Variants in SOBP observed in about 807,000 individuals in gnomAD.
SOBP encodes sine oculis-binding protein homolog.
In SOBP, 4 loss-of-function variants were observed where a neutral mutation model predicts 53.6. That is an observed-to-expected ratio of 0.07 (90% CI 0.04 to 0.17). The LOEUF is 0.17. Among genes scored for constraint, SOBP ranks in the 10% least tolerant of loss-of-function variants. The pLI is 1.00. For missense variants in SOBP, 1,088 were observed against 1,204.7 expected (o/e 0.90, Z 1.43); for synonymous variants, 584 against 522.6 (o/e 1.12, Z -1.60).
chr6:107,601,643 CTG>C (rs757239175), intron 5 of SOBP, among the ~76,000 whole-genome samples: 2 of 152,186 alleles, frequency 1.3e-5, no homozygotes, highest in African/African-American at 2.4e-5. Flanking sequence ...CTTCCTCTCT[CTG>C]TGTGTGATTT....
intron 5 of SOBP, among the ~76,000 whole-genome samples, chr6:107,622,880 A>G (rs1032193760): frequency 6.6e-6 from 1 of 152,236 alleles, no homozygotes; most frequent in African/African-American, 2.4e-5. Flanking sequence ...ATATGGGATA[A>G]TTTATCTTGT....
In SOBP at chr6:107,656,287, AAAAGAAAGAAAGAAAGAAAGAAAG is replaced by A. The variant is rs1184787226; in HGVS notation, c.*4-1886_*4-1863del. 3.7e-3 allele frequency among the ~76,000 whole-genome samples: 454 copies of A among 124,338 alleles called. 3 individuals are homozygous for A. Among genetic ancestry groups the A allele is most frequent in the African/African-American group, 0.014 (444 of 31,560 alleles). 81.6% of individuals were successfully genotyped at this position (124,338 alleles called of 152,430 possible). A position where few individuals can be genotyped will look rare whatever the true frequency, so the allele number is the denominator to read the frequency against. The stretch of plus-strand genomic sequence containing the variant: ...TGTCACTTATTCTTGAGAAAGAAAG[AAAAGAAAGAAAGAAAGAAAGAAAG>A]AAAGAAAGAAAGAAAGAAAGAAAGA... On this transcript the variant is annotated intron_variant, in intron 6 of 6. Transcript: ENST00000317357.
At chr6:107,629,696 G>A (rs566653351) in intron 5 of SOBP, among the ~76,000 whole-genome samples, 4 of 152,336 alleles carry the variant, frequency 2.6e-5, no homozygotes, top group Non-Finnish European at 4.4e-5. Context: ...GCAGTTGAGC[G>A]GTGTAGGTTG....
Position 107,633,730 on chromosome 6 carries a change from A to C in SOBP, c.886A>C (p.Thr296Pro), listed in dbSNP as rs367944046. ...AGAAGGCACCGGGGTGCAGCTGCTC[A>C]CTCCAGACTCTTGGAATATCCCGCT... ...KAEGTGVQLLTPDSWNIPLTD... is the reference protein window; with the variant it reads ...KAEGTGVQLLPPDSWNIPLTD... The change falls in exon 6 of 7, where the codon ACT becomes CCT. Residue 296 changes from threonine to proline, a missense_variant. Transcript: ENST00000317357. 1 of 1,614,118 alleles carries C rather than the reference A, an allele frequency of 6.2e-7. No homozygotes were observed. Among genetic ancestry groups the C allele is most frequent in the Non-Finnish European group, 8.5e-7 (1 of 1,180,016 alleles).
At chr6:107,650,167 T>A (rs1305215856) in intron 6 of SOBP, among the ~76,000 whole-genome samples, 1 of 152,184 alleles carries the variant, frequency 6.6e-6, no homozygotes, top group Non-Finnish European at 1.5e-5. Context: ...TTGTTATTTT[T>A]ATTTTATTTT....
intron 6 of SOBP, among the ~76,000 whole-genome samples, chr6:107,643,626 G>A (rs765663521): frequency 1.3e-5 from 2 of 151,854 alleles, no homozygotes; most frequent in Non-Finnish European, 2.9e-5. Context: ...TCACCCTGTT[G>A]GCTAGGATGG....
chr6:107,506,441 G>T lies in SOBP; in HGVS notation c.421+14G>T, dbSNP rs911653885. The T allele has an allele frequency of 6.2e-7, 1 of 1,613,238 alleles. No homozygotes were observed. The highest frequency in any genetic ancestry group is 1.3e-5 in the African/African-American group (1 of 74,884). ...AGCCACCAGCAGGTAAGTCACTACT[G>T]GTGTTTTCAGTGATAACAATTCATA... On this transcript the variant is annotated intron_variant, in intron 3 of 6. Coordinates refer to ENST00000317357, the MANE Select transcript of SOBP (RefSeq NM_018013.4).
At chr6:107,589,571 C>G (rs1785677312) in intron 5 of SOBP, among the ~76,000 whole-genome samples, 1 of 152,164 alleles carries the variant, frequency 6.6e-6, no homozygotes. Flanking sequence ...CTGTAGATTT[C>G]CTGTAGGGTA....
intron 4 of SOBP, among the ~76,000 whole-genome samples, chr6:107,547,669 G>A (rs1784339183): frequency 6.6e-6 from 1 of 152,334 alleles, no homozygotes; most frequent in South Asian, 2.1e-4. Flanking sequence ...TTAACACTCA[G>A]GGGTAACCTT....
chr6:107,552,876 T>C (rs1166358690), intron 4 of SOBP, among the ~76,000 whole-genome samples: 1 of 152,058 alleles, frequency 6.6e-6, no homozygotes, highest in Non-Finnish European at 1.5e-5. Flanking sequence ...TGAGCTATGA[T>C]CACACCACTG....
intron 3 of SOBP, among the ~76,000 whole-genome samples, chr6:107,530,606 A>C (rs927765024): frequency 1.3e-5 from 2 of 152,124 alleles, no homozygotes; most frequent in Admixed American, 1.3e-4. Flanking sequence ...AATTTTTTGA[A>C]TAACCCAATT....
intron 4 of SOBP, among the ~76,000 whole-genome samples, chr6:107,535,026 T>C (rs144918042): frequency 1.1e-3 from 163 of 152,318 alleles, no homozygotes; most frequent in African/African-American, 3.3e-3. Context: ...CAAAATACTT[T>C]GCATTCCAAT....
Position 107,635,611 on chromosome 6 carries a change from A to G in SOBP, c.*3+142A>G, listed in dbSNP as rs1771008491. ...TGCACACGGTGTGGTCACGCTATCA[A>G]CATTCTGAGCCAGCAGCTCTGATGC... On this transcript the variant is annotated intron_variant, in intron 6 of 6. Coordinates refer to ENST00000317357, the MANE Select transcript of SOBP (RefSeq NM_018013.4). The surrounding 1 kb of genome is among the most constrained non-coding windows in gnomAD (Gnocchi z 4.5). The G allele has an allele frequency of 4.2e-6, 5 of 1,199,948 alleles. No homozygotes were observed. The South Asian group carries it at 6.5e-5, about 16-fold the overall frequency. The allele number at this position is 1,199,948 out of a possible 1,614,324, so 74.3% of individuals were successfully genotyped here. A position where few individuals can be genotyped will look rare whatever the true frequency, so the allele number is the denominator to read the frequency against.
chr6:107,491,419 A>G (rs1484493672), intron 1 of SOBP, among the ~76,000 whole-genome samples: 1 of 152,180 alleles, frequency 6.6e-6, no homozygotes, highest in Non-Finnish European at 1.5e-5. Context: ...GCGCCTGTCC[A>G]TTGTTCGCTA....
At chr6:107,519,044 A>G (rs1345060796) in intron 3 of SOBP, among the ~76,000 whole-genome samples, 1 of 150,894 alleles carries the variant, frequency 6.6e-6, no homozygotes, top group Admixed American at 6.6e-5. Flanking sequence ...TTATAGGCAT[A>G]AGGCATAGAT....
At chr6:107,629,042 C>T (rs1272676102) in intron 5 of SOBP, among the ~76,000 whole-genome samples, 1 of 152,202 alleles carries the variant, frequency 6.6e-6, no homozygotes, top group African/African-American at 2.4e-5. Context: ...ATCAGTGCCA[C>T]AGTCAACATG....
At chr6:107,526,242 G>A (rs1783659240) in intron 3 of SOBP, among the ~76,000 whole-genome samples, 1 of 152,124 alleles carries the variant, frequency 6.6e-6, no homozygotes, top group Non-Finnish European at 1.5e-5. Context: ...GTGAGCCACA[G>A]TGCCCAGTCT....
At chr6:107,554,978 T>A (rs549801389) in intron 4 of SOBP, among the ~76,000 whole-genome samples, 2 of 152,328 alleles carry the variant, frequency 1.3e-5, no homozygotes, top group Non-Finnish European at 2.9e-5. Context: ...TTACATTTTT[T>A]AAAATCCCCT....
At chr6:107,607,191 G>T (rs1283707822) in intron 5 of SOBP, among the ~76,000 whole-genome samples, 1 of 152,182 alleles carries the variant, frequency 6.6e-6, no homozygotes, top group Non-Finnish European at 1.5e-5. Context: ...TGGGGCTCCA[G>T]CTACACATCC....
Sources: gnomAD v4.1 joint callset for allele counts (sites outside exome capture counted in the v4.1 genomes callset) on GRCh38, gnomAD v4.1.1 for gene constraint, Gnocchi (gnomAD v3.1) non-coding constraint, MANE v1.5 for transcripts, NCBI Gene and HGNC (gene_info 2026-07-23, HGNC 2026-07-21) for gene names.